Variants in ROBO2 observed in about 807,000 individuals in gnomAD.
ROBO2 encodes roundabout homolog 2.
In ROBO2, 53 loss-of-function variants were observed where a neutral mutation model predicts 160.8. The observed-to-expected ratio is 0.33, with a 90% CI of 0.26 to 0.41. The LOEUF (loss-of-function observed/expected upper bound fraction) is 0.41. Ranked by LOEUF, ROBO2 falls within the 10% of genes least tolerant of loss-of-function variation. ROBO2 has a pLI of 1.00. For missense variants in ROBO2, 1,577 were observed against 1,722.4 expected (o/e 0.92, Z 1.49); for synonymous variants, 664 against 611.7 (o/e 1.09, Z -1.26).
At chr3:76,981,647 A>G (rs1226748608) in intron 2 of ROBO2, among the ~76,000 whole-genome samples, 1 of 152,140 alleles carries the variant, frequency 6.6e-6, no homozygotes, top group Non-Finnish European at 1.5e-5. Context: ...CCATTCTTGC[A>G]TTGCTATAAA....
intron 5 of ROBO2, among the ~76,000 whole-genome samples, chr3:77,518,955 G>A (rs1000730001): frequency 6.6e-6 from 1 of 151,460 alleles, no homozygotes; most frequent in African/African-American, 2.4e-5. Flanking sequence ...CATGTCACCA[G>A]ACTATTGGCC....
chr3:77,569,327 G>T (rs934907301), intron 13 of ROBO2, among the ~76,000 whole-genome samples: 13 of 151,816 alleles, frequency 8.6e-5, no homozygotes, highest in Non-Finnish European at 7.4e-5. Flanking sequence ...TCACATCCTT[G>T]CCAACACTTA....
chr3:76,809,100 T>A (rs776081066), intron 2 of ROBO2, among the ~76,000 whole-genome samples: 3 of 152,298 alleles, frequency 2.0e-5, no homozygotes, highest in Non-Finnish European at 4.4e-5. Flanking sequence ...TAATAAATTA[T>A]CATATACTTA....
At chr3:76,031,155 T>A (rs752534972) in intron 2 of ROBO2, among the ~76,000 whole-genome samples, 13 of 152,176 alleles carry the variant, frequency 8.5e-5, no homozygotes, top group Non-Finnish European at 1.9e-4. Context: ...CCCTCATGAT[T>A]TGGCTCTCTG....
intron 5 of ROBO2, among the ~76,000 whole-genome samples, chr3:77,498,366 G>A (rs1227561254): frequency 2.0e-5 from 3 of 152,132 alleles, no homozygotes; most frequent in Non-Finnish European, 2.9e-5. Flanking sequence ...TTGATGGCTT[G>A]CACATAGTGG....
intron 2 of ROBO2, among the ~76,000 whole-genome samples, chr3:76,295,574 C>G (rs893090696): frequency 6.6e-6 from 1 of 152,070 alleles, no homozygotes; most frequent in African/African-American, 2.4e-5. Flanking sequence ...CGACCTATAA[C>G]GACTCATTGA....
intron 2 of ROBO2, among the ~76,000 whole-genome samples, chr3:76,655,372 A>C (rs1039962338): frequency 4.1e-5 from 6 of 145,948 alleles, no homozygotes; most frequent in African/African-American, 1.5e-4. Context: ...ATATTTATAA[A>C]AACAAATTTC....
intron 2 of ROBO2, among the ~76,000 whole-genome samples, chr3:77,123,688 CAT>C (rs36130347): frequency 1.3e-5 from 2 of 148,334 alleles, no homozygotes; most frequent in South Asian, 2.1e-4. Flanking sequence ...CAGCAGCTTT[CAT>C]ATATATATAT....
At chr3:76,567,638 T>TAC (rs1240765878) in intron 2 of ROBO2, among the ~76,000 whole-genome samples, 3 of 90,058 alleles carry the variant, frequency 3.3e-5, no homozygotes, top group Admixed American at 1.2e-4. Flanking sequence ...TATATATATA[T>TAC]ATATATATAT....
At chr3:76,446,848 T>A (rs964653567) in intron 2 of ROBO2, among the ~76,000 whole-genome samples, 1 of 152,100 alleles carries the variant, frequency 6.6e-6, no homozygotes, top group African/African-American at 2.4e-5. Context: ...ATGTAGAAAG[T>A]TGAAACTGGA....
intron 2 of ROBO2, among the ~76,000 whole-genome samples, chr3:76,626,542 A>G (rs909777678): frequency 2.0e-5 from 3 of 152,202 alleles, no homozygotes; most frequent in Non-Finnish European, 4.4e-5. Context: ...AAACATGTCT[A>G]ATGTTGCTGC....
rs1209297524 is a variant in ROBO2, at chr3:77,476,365, GGTAT to G, written c.389-1046_389-1043del. 4.3e-3 allele frequency among the ~76,000 whole-genome samples: 507 copies of G among 117,444 alleles called. 6 individuals are homozygous for G. The highest frequency in any genetic ancestry group is 0.017 in the African/African-American group (484 of 28,120). The allele number at this position is 117,444 out of a possible 152,430, so 77.0% of individuals were successfully genotyped here. ...AGCTTGATGTGTGCATGTGTCTGTG[GGTAT>G]GTGTGTGTGTGTGTGTGTGTGTGTG... On this transcript the variant is annotated intron_variant, in intron 2 of 25. Transcript: ENST00000461745.
chr3:76,486,355 T>G (rs936886592), intron 2 of ROBO2, among the ~76,000 whole-genome samples: 11 of 152,118 alleles, frequency 7.2e-5, no homozygotes, highest in African/African-American at 2.7e-4. Flanking sequence ...TTATGTCACT[T>G]TCTAGGCTAA....
In ROBO2 at chr3:76,090,928, C is replaced by T. The variant is rs116358111; in HGVS notation, c.109+153326C>T. Among the ~76,000 whole-genome samples, 168 of 152,294 alleles carry T rather than the reference C, an allele frequency of 1.1e-3. 1 individual carries two copies. Among genetic ancestry groups the T allele is most frequent in the African/African-American group, 3.8e-3 (157 of 41,572 alleles). On this transcript the variant is annotated intron_variant, in intron 2 of 26. Transcript: ENST00000487694. ...AAACTAAGTTAATTTGGACATAGGC[C>T]TTACAACTCTTCCACAGATTAATTC...
At chr3:75,985,245 A>G (rs1250420684) in intron 2 of ROBO2, among the ~76,000 whole-genome samples, 1 of 151,492 alleles carries the variant, frequency 6.6e-6, no homozygotes, top group Non-Finnish European at 1.5e-5. Context: ...GACTTTGGCC[A>G]ATATCCGTAA....
intron 2 of ROBO2, among the ~76,000 whole-genome samples, chr3:77,413,236 G>A (rs2076945687): frequency 6.6e-6 from 1 of 151,948 alleles, no homozygotes; most frequent in South Asian, 2.1e-4. Flanking sequence ...TAAGGTTTGG[G>A]GGTAAAAAAG....
At chr3:76,256,826 C>T (rs1397002358) in intron 2 of ROBO2, among the ~76,000 whole-genome samples, 1 of 152,062 alleles carries the variant, frequency 6.6e-6, no homozygotes, top group Non-Finnish European at 1.5e-5. Context: ...ATGGCCCTGA[C>T]ATCTGCTCAG....
In ROBO2 at chr3:77,642,079, C is replaced by T. The variant is rs1313928797; in HGVS notation, c.3935-2625C>T. 3.3e-5 allele frequency among the ~76,000 whole-genome samples: 5 copies of T among 152,180 alleles called. No individual in the cohort carries two copies. The East Asian group carries it at 9.6e-4, about 29-fold the overall frequency. On this transcript the variant is annotated intron_variant, in intron 24 of 25. Coordinates refer to ENST00000461745, the Ensembl canonical transcript of ROBO2. ...ATATTAGTTGTAACTCATTAGCTAA[C>T]TCATGAAACGAACAGCCAGAATTGG...
intron 2 of ROBO2, among the ~76,000 whole-genome samples, chr3:76,807,572 A>G (rs2064829148): frequency 6.6e-6 from 1 of 152,066 alleles, no homozygotes; most frequent in African/African-American, 2.4e-5. Context: ...GGTTCTAACT[A>G]TTTTAACCTC....
Sources: allele counts gnomAD v4.1 joint callset (sites outside exome capture counted in the v4.1 genomes callset), GRCh38; gene constraint gnomAD v4.1.1; transcripts MANE v1.5; gene names NCBI Gene and HGNC (gene_info 2026-07-23, HGNC 2026-07-21).